The following PLPP7 variants were observed in gnomAD, a reference collection of about 807,000 sequenced individuals.
PLPP7 encodes phospholipid phosphatase 7 (inactive).
Under a neutral mutation model 16.9 loss-of-function variants are expected in PLPP7, and 11 were observed. The observed-to-expected ratio is 0.65, with a 90% CI of 0.41 to 1.08. PLPP7 has a LOEUF of 1.08. PLPP7 is among the 50% of genes least tolerant of loss of function. The pLI, the probability that PLPP7 is intolerant of heterozygous loss-of-function variation, is 0.00. For synonymous variants in PLPP7, 174 were observed against 175.1 expected (o/e 0.99, Z 0.05); for missense variants, 358 against 397.1 (o/e 0.90, Z 0.84).
intron 1 of PLPP7, among the ~76,000 whole-genome samples, chr9:131,298,172 T>G (rs1021022748): frequency 5.3e-5 from 8 of 152,150 alleles, no homozygotes; most frequent in African/African-American, 1.9e-4. Context: ...AAGGAGATAT[T>G]CCTGCAAGGG....
At chr9:131,291,385 G>A (rs1835676393) in intron 1 of PLPP7, 2 of 1,171,032 alleles carry the variant, frequency 1.7e-6, no homozygotes, top group South Asian at 3.2e-5. Context: ...CATTGGGTTG[G>A]ACCACGGAGA....
In PLPP7 at chr9:131,308,120, C is replaced by T; in HGVS notation, c.649C>T (p.Leu217=). 6.2e-7 allele frequency: 1 copy of T among 1,601,074 alleles called. No individual in the cohort carries two copies. The highest frequency in any genetic ancestry group is 8.5e-7 in the Non-Finnish European group (1 of 1,179,790). The change falls in exon 2 of 2, where the codon CTG becomes TTG. Residue 217 remains leucine (L), a synonymous_variant. Coordinates refer to ENST00000372264, the MANE Select transcript of PLPP7 (RefSeq NM_032728.4). The part of the protein sequence containing the change: ...HLVLAVPLRV[L]LVLWALCVGL... ...GGTGCTGGCGGTGCCCCTGCGTGTG[C>T]TGCTGGTGCTCTGGGCCCTCTGCGT...
intron 1 of PLPP7, chr9:131,291,230 A>T: frequency 2.4e-5 from 32 of 1,348,262 alleles, no homozygotes; most frequent in Non-Finnish European, 3.1e-5. Flanking sequence ...CCAGGTCCCC[A>T]AGGTGCCCCA....
chr9:131,290,345 C>A lies in PLPP7; in HGVS notation c.348C>A (p.Ile116=). ...GTGCCCGCTCCATGGTCAAGCTCATCGGCATCACGGGCCACGGCATCCCCT... is the reference window on the plus strand; with the variant it reads ...GTGCCCGCTCCATGGTCAAGCTCATAGGCATCACGGGCCACGGCATCCCCT... The part of the protein sequence containing the change: ...WASARSMVKL[I]GITGHGIPWI... The change falls in exon 1 of 2, where the codon ATC becomes ATA. Residue 116 remains isoleucine (I), a synonymous_variant. Transcript: ENST00000372264. This position sits in a 1 kb window ranked among gnomAD's most constrained non-coding sequence, Gnocchi z 4.2. The A allele has an allele frequency of 2.5e-6, 4 of 1,610,452 alleles. No homozygotes were observed. The highest frequency in any genetic ancestry group is 2.5e-6 in the Non-Finnish European group (3 of 1,178,594).
chr9:131,302,119 A>G (rs2131218856), intron 1 of PLPP7, among the ~76,000 whole-genome samples: 1 of 151,862 alleles, frequency 6.6e-6, no homozygotes, highest in Admixed American at 6.6e-5. Flanking sequence ...GCGCCCGGCC[A>G]GAACTTGTTC....
intron 1 of PLPP7, among the ~76,000 whole-genome samples, chr9:131,300,603 G>A (rs971950077): frequency 6.7e-5 from 10 of 148,150 alleles, no homozygotes; most frequent in African/African-American, 2.5e-4. Flanking sequence ...GATCATTTGA[G>A]CCCAAAAGTT....
Position 131,290,551 on chromosome 9 carries a change from G to C in PLPP7, c.451+103G>C. On this transcript the variant is annotated intron_variant, in intron 1 of 1. Transcript: ENST00000372264. The surrounding 1 kb of genome is among the most constrained non-coding windows in gnomAD (Gnocchi z 4.2). The stretch of plus-strand genomic sequence containing the variant: ...GGGACCTGCACAGCCCTCAGAAACC[G>C]GCTGGGATGGTCTAATGAGGTTAGG... 8.7e-7 allele frequency: 1 copy of C among 1,142,922 alleles called. No individual in the cohort carries two copies. The highest frequency in any genetic ancestry group is 1.2e-6 in the Non-Finnish European group (1 of 842,540). 70.8% of individuals were successfully genotyped at this position (1,142,922 alleles called of 1,614,324 possible). A position where few individuals can be genotyped will look rare whatever the true frequency, so the allele number is the denominator to read the frequency against.
At chr9:131,291,956 G>A (rs190484633) in intron 1 of PLPP7, among the ~76,000 whole-genome samples, 39 of 152,336 alleles carry the variant, frequency 2.6e-4, no homozygotes, top group Non-Finnish European at 4.4e-4. Context: ...ACAGTCTCAC[G>A]AGGTTGGTGC....
rs996322200 is a variant in PLPP7, at chr9:131,290,751, G to A, written c.451+303G>A. On this transcript the variant is annotated intron_variant, in intron 1 of 1. Transcript: ENST00000372264. The surrounding 1 kb of genome is among the most constrained non-coding windows in gnomAD (Gnocchi z 4.2). ...CCCAGAGGCAGCTTGAAGGGAGGCT[G>A]GGCCAGAGGCGGTGGCCTCAAGGGA... Among the ~76,000 whole-genome samples, 1 of 152,228 alleles carries A rather than the reference G, an allele frequency of 6.6e-6. No homozygotes were observed. The highest frequency in any genetic ancestry group is 2.4e-5 in the African/African-American group (1 of 41,460).
At position 131,291,557 on chromosome 9, in the gene PLPP7, C is replaced by CTT. The variant is rs940950338; in HGVS notation, c.451+1127_451+1128dup. On this transcript the variant is annotated intron_variant, in intron 1 of 1. Transcript: ENST00000372264. The stretch of plus-strand genomic sequence containing the variant: ...TGCCACCTTCGAGGTTTTCTTGTTC[C>CTT]TTTTTTTTTTTTTTTTTTTGACAGA... 4.3e-3 allele frequency: 690 copies of CTT among 161,670 alleles called. 12 individuals are homozygous for CTT. The highest frequency in any genetic ancestry group is 0.016 in the African/African-American group (556 of 34,620). 10.0% of individuals were successfully genotyped at this position (161,670 alleles called of 1,614,324 possible).
Position 131,290,552 on chromosome 9 carries a change from G to A in PLPP7, c.451+104G>A. On this transcript the variant is annotated intron_variant, in intron 1 of 1. Coordinates refer to ENST00000372264, the MANE Select transcript of PLPP7 (RefSeq NM_032728.4). The surrounding 1 kb of genome is among the most constrained non-coding windows in gnomAD (Gnocchi z 4.2). Reference sequence around the variant, plus strand: ...GGACCTGCACAGCCCTCAGAAACCGGCTGGGATGGTCTAATGAGGTTAGGC... The same window carrying A: ...GGACCTGCACAGCCCTCAGAAACCGACTGGGATGGTCTAATGAGGTTAGGC... 8.7e-7 allele frequency: 1 copy of A among 1,145,404 alleles called. No homozygotes were observed. The highest frequency in any genetic ancestry group is 1.2e-6 in the Non-Finnish European group (1 of 844,448). 71.0% of individuals were successfully genotyped at this position (1,145,404 alleles called of 1,614,324 possible).
rs1173123074 is a variant in PLPP7 at position 131,308,390 on chromosome 9, G to C, written c.*103G>C. The C allele has an allele frequency of 7.0e-7, 1 of 1,438,526 alleles. No homozygotes were observed. The highest frequency in any genetic ancestry group is 9.1e-7 in the Non-Finnish European group (1 of 1,097,070). 89.1% of individuals were successfully genotyped at this position (1,438,526 alleles called of 1,614,324 possible). ...CGTGGGTGGAACAGAGCGGCCAGGA[G>C]TCAGAGCGGCCACCCCCACCTCATC... is the stretch of plus-strand genomic sequence containing the variant. On this transcript the variant is annotated 3_prime_UTR_variant, in exon 2 of 2. Coordinates refer to ENST00000372264, the MANE Select transcript of PLPP7 (RefSeq NM_032728.4).
chr9:131,290,518 C>T lies in PLPP7; in HGVS notation c.451+70C>T. On this transcript the variant is annotated intron_variant, in intron 1 of 1. Transcript: ENST00000372264. This position sits in a 1 kb window ranked among gnomAD's most constrained non-coding sequence, Gnocchi z 4.2. ...AGGCAGCCTGGCCTGCCCAACCCCA[C>T]CCTGGCCGGGACCTGCACAGCCCTC... 1 of 1,401,144 alleles carries T rather than the reference C, an allele frequency of 7.1e-7. No individual in the cohort carries two copies. The highest frequency in any genetic ancestry group is 9.4e-7 in the Non-Finnish European group (1 of 1,059,784). 86.8% of individuals were successfully genotyped at this position (1,401,144 alleles called of 1,614,324 possible).
chr9:131,300,689 GAA>G (rs1165239833), intron 1 of PLPP7, among the ~76,000 whole-genome samples: 694 of 40,354 alleles, frequency 0.017, 9 homozygotes, highest in African/African-American at 0.057. Context: ...CTCAAAAGCA[GAA>G]AAAAAAAAAA....
chr9:131,291,260 G>C, intron 1 of PLPP7: 1 of 1,316,948 alleles, frequency 7.6e-7, no homozygotes, highest in Non-Finnish European at 1.0e-6. Flanking sequence ...CACCCTCCAC[G>C]CCAGGCCCGC....
intron 1 of PLPP7, among the ~76,000 whole-genome samples, chr9:131,296,611 G>A (rs1367002381): frequency 6.6e-6 from 1 of 152,198 alleles, no homozygotes; most frequent in Admixed American, 6.5e-5. Flanking sequence ...CAAGAAGAAA[G>A]TGAGCCTCTC....
At chr9:131,292,883 A>C in intron 1 of PLPP7, 2 of 985,426 alleles carry the variant, frequency 2.0e-6, no homozygotes, top group Non-Finnish European at 2.4e-6. Context: ...TCCAGCAGCC[A>C]GCTGCCATGG....
Position 131,304,707 on chromosome 9 carries a change from A to G in PLPP7, c.452-3216A>G, listed in dbSNP as rs76753545. Among the ~76,000 whole-genome samples, 1,279 of 152,364 alleles carry G rather than the reference A, an allele frequency of 8.4e-3. 9 individuals are homozygous for G. Among genetic ancestry groups the G allele is most frequent in the Middle Eastern group, 0.02 (6 of 294 alleles). On this transcript the variant is annotated intron_variant, in intron 1 of 1. Transcript: ENST00000372264. ...TTATGAGCCTCAGGCCAGTAACTCA[A>G]CTACGTTTGGAGACTGTGGCTCTGT...
chr9:131,304,763 A>G (rs1301505370), intron 1 of PLPP7, among the ~76,000 whole-genome samples: 1 of 152,214 alleles, frequency 6.6e-6, no homozygotes, highest in Non-Finnish European at 1.5e-5. Flanking sequence ...ACCTATGAAC[A>G]AACAGGCACA....
Sources: allele counts gnomAD v4.1 joint callset (sites outside exome capture counted in the v4.1 genomes callset), GRCh38; gene constraint gnomAD v4.1.1; non-coding constraint Gnocchi (gnomAD v3.1); transcripts MANE v1.5; gene names NCBI Gene and HGNC (gene_info 2026-07-23, HGNC 2026-07-21).